Variants in PKD1L3 observed in about 807,000 individuals in gnomAD.
PKD1L3 encodes polycystin 1 like 3, transient receptor potential channel interacting, also known as polycystin-1-like protein 3.
A neutral mutation model predicts 184.1 loss-of-function variants in PKD1L3; 239 were observed. That is an observed-to-expected ratio of 1.30 (90% CI 1.17 to 1.45). The LOEUF is 1.45. PKD1L3 is among the 40% of genes most tolerant of loss of function. PKD1L3 has a pLI of 0.00. For synonymous variants in PKD1L3, 996 were observed against 778.8 expected (o/e 1.28, Z -4.64); for missense variants, 2,660 against 2,067.2 (o/e 1.29, Z -5.56).
chr16:71,947,633 G>A (rs987575150), intron 21 of PKD1L3, 42 bp from the exon 22 acceptor site: 66 of 1,307,890 alleles, frequency 5.0e-5, no homozygotes, highest in Admixed American at 4.2e-4. Flanking sequence ...AGACATTACA[G>A]ACCCAGGAAG....
intron 6 of PKD1L3, among the ~76,000 whole-genome samples, 158 bp from the exon 7 acceptor site, chr16:71,982,393 C>A (rs2040197839): frequency 7.0e-6 from 1 of 142,524 alleles, no homozygotes; most frequent in Non-Finnish European, 1.5e-5. Flanking sequence ...TCAAGCAATT[C>A]TCCTGCCTCA....
At chr16:71,981,883 C>T (rs906312801) in intron 7 of PKD1L3, among the ~76,000 whole-genome samples, 176 bp downstream of exon 7, 1 of 152,108 alleles carries the variant, frequency 6.6e-6, no homozygotes, top group Admixed American at 6.6e-5. Flanking sequence ...GGAGTCTTGG[C>T]TCACTGGTGG....
In PKD1L3 at chr16:71,999,715, T is replaced by A. The variant is rs199655008; in HGVS notation, c.264A>T (p.Pro88=). 320 of 1,549,494 alleles carry A rather than the reference T, an allele frequency of 2.1e-4. No individual in the cohort carries two copies. Among genetic ancestry groups the A allele is most frequent in the Non-Finnish European group, 2.6e-4 (294 of 1,145,730 alleles). ...KKWWIGQNVM[P]LKKHQDNKYP... is the part of the protein sequence containing the mutation. ...ATTTGTTGTCTTGATGCTTTTTCAATGGCATTACATTTTGCCCAATCCACC... is the reference window on the plus strand; with the variant it reads ...ATTTGTTGTCTTGATGCTTTTTCAAAGGCATTACATTTTGCCCAATCCACC... Residue 88 remains proline (P), a synonymous_variant, in exon 1 of 30, where the codon CCA becomes CCT. Transcript: ENST00000620267.
chr16:71,952,547 G>C (rs1235657956), intron 18 of PKD1L3, among the ~76,000 whole-genome samples: 4 of 91,956 alleles, frequency 4.3e-5, no homozygotes, highest in African/African-American at 7.2e-5. Context: ...TGTAAAATTT[G>C]ATACTGGCTG....
At position 72,000,027 on chromosome 16, in the gene PKD1L3, G is replaced by T; in HGVS notation, c.-49C>A. ...AAGTGTGGGGGTTTAGCAGCTGCCT[G>T]GTCCTTTAAATATATATATTGGCGG... On this transcript the variant is annotated 5_prime_UTR_variant, in exon 1 of 30. Coordinates refer to ENST00000620267, the MANE Select transcript of PKD1L3 (RefSeq NM_181536.2). The T allele has an allele frequency of 2.2e-6, 3 of 1,373,552 alleles. No individual in the cohort carries two copies. Among genetic ancestry groups the T allele is most frequent in the Non-Finnish European group, 2.9e-6 (3 of 1,029,970 alleles). The allele number at this position is 1,373,552 out of a possible 1,614,324, so 85.1% of individuals were successfully genotyped here.
intron 25 of PKD1L3, among the ~76,000 whole-genome samples, chr16:71,935,856 C>T (rs1006042362): frequency 2.0e-5 from 3 of 152,320 alleles, no homozygotes; most frequent in East Asian, 1.9e-4. Context: ...GTGGTGCGAT[C>T]ATAGCTCACT....
At chr16:71,970,423 A>C (rs557573221) in intron 12 of PKD1L3, among the ~76,000 whole-genome samples, 1 of 152,212 alleles carries the variant, frequency 6.6e-6, no homozygotes. Flanking sequence ...CAAAAATAGG[A>C]AACAACTTAC....
chr16:71,935,110 T>C (rs2038128400), intron 26 of PKD1L3, among the ~76,000 whole-genome samples: 1 of 152,212 alleles, frequency 6.6e-6, no homozygotes. Context: ...CTTCTGAAAT[T>C]TAAATGCATT....
In PKD1L3 at chr16:71,942,918, G is replaced by C. The variant is rs2038412349; in HGVS notation, c.3966C>G (p.Phe1322Leu). 4 of 1,551,498 alleles carry C rather than the reference G, an allele frequency of 2.6e-6. No individual in the cohort carries two copies. The highest frequency in any genetic ancestry group is 3.5e-6 in the Non-Finnish European group (4 of 1,146,828). ...AATCCTGAAGAAGTTTGATTTCCGA[G>C]AACTGGTGCGAAAATGTCTTCCAGA... ...QAIWKTFSHQ[F>L]SEIKLLQDFY... The change falls in exon 24 of 30, where the codon TTC becomes TTG. Residue 1322 changes from phenylalanine (F) to leucine (L), a missense_variant. By Grantham distance (22) the Phe-to-Leu change is conservative (BLOSUM62 0). Transcript: ENST00000620267.
Position 71,999,883 on chromosome 16 carries a change from A to G in PKD1L3, c.96T>C (p.Asn32=), listed in dbSNP as rs1394343453. Residue 32 remains asparagine (N), a synonymous_variant, in exon 1 of 30, where the codon AAT becomes AAC. Transcript: ENST00000620267. ...ELNSPAPHGQ[N]NCYQLNRFQC... ...GAAATCTGTTAAGCTGGTAACAATT[A>G]TTTTGCCCATGTGGTGCTGGGCTGT... The G allele has an allele frequency of 3.8e-5, 59 of 1,551,632 alleles. No individual in the cohort carries two copies. Among genetic ancestry groups the G allele is most frequent in the Non-Finnish European group, 5.0e-5 (57 of 1,147,008 alleles).
At chr16:71,995,014 T>G (rs1250837112) in intron 2 of PKD1L3, among the ~76,000 whole-genome samples, 1 of 152,112 alleles carries the variant, frequency 6.6e-6, no homozygotes, top group Non-Finnish European at 1.5e-5. Context: ...TTGACTTAAA[T>G]TTGTTTTATA....
chr16:71,948,133 G>A (rs528519648), intron 21 of PKD1L3, among the ~76,000 whole-genome samples: 67 of 152,180 alleles, frequency 4.4e-4, no homozygotes, highest in African/African-American at 1.5e-3. Context: ...CCAGGCTGGA[G>A]TACAACGGCA....
intron 15 of PKD1L3, among the ~76,000 whole-genome samples, 167 bp downstream of exon 15, chr16:71,966,970 A>G (rs572302058): frequency 6.6e-6 from 1 of 152,272 alleles, no homozygotes; most frequent in South Asian, 2.1e-4. Flanking sequence ...AATCTCTCAC[A>G]CTTCTTTCCA....
intron 3 of PKD1L3, 86 bp from the exon 4 acceptor site, chr16:71,990,415 T>C: frequency 1.7e-6 from 2 of 1,148,738 alleles, no homozygotes; most frequent in Non-Finnish European, 2.5e-6. Context: ...TATTCATGGC[T>C]AAAAATAATG....
rs2040915442 is a variant in PKD1L3, at chr16:72,000,024, C to T, written c.-46G>A. 1 of 1,390,762 alleles carries T rather than the reference C, an allele frequency of 7.2e-7. No homozygotes were observed. The highest frequency in any genetic ancestry group is 2.7e-5 in the Admixed American group (1 of 37,070). 86.2% of individuals were successfully genotyped at this position (1,390,762 alleles called of 1,614,324 possible). ...AAAAAGTGTGGGGGTTTAGCAGCTG[C>T]CTGGTCCTTTAAATATATATATTGG... is the stretch of plus-strand genomic sequence containing the variant. On this transcript the variant is annotated 5_prime_UTR_variant, in exon 1 of 30. Coordinates refer to ENST00000620267, the MANE Select transcript of PKD1L3 (RefSeq NM_181536.2).
chr16:71,932,210 C>T (rs1467067644), intron 28 of PKD1L3, among the ~76,000 whole-genome samples: 1 of 152,196 alleles, frequency 6.6e-6, no homozygotes, highest in Non-Finnish European at 1.5e-5. Context: ...TTAGAATGAT[C>T]AACCATGATC....
intron 11 of PKD1L3, among the ~76,000 whole-genome samples, chr16:71,974,221 G>A (rs1278592625): frequency 1.3e-5 from 2 of 152,128 alleles, no homozygotes; most frequent in South Asian, 2.1e-4. Flanking sequence ...ACCGGAGGTC[G>A]GGCCTGGCTC....
intron 24 of PKD1L3, among the ~76,000 whole-genome samples, chr16:71,939,739 G>C (rs1567492092): frequency 1.3e-5 from 2 of 152,150 alleles, no homozygotes; most frequent in African/African-American, 2.4e-5. Flanking sequence ...AAGGATACTT[G>C]TGAGCCAATT....
intron 15 of PKD1L3, among the ~76,000 whole-genome samples, chr16:71,965,286 A>G (rs561505756): frequency 6.6e-6 from 1 of 152,336 alleles, no homozygotes; most frequent in South Asian, 2.1e-4. Context: ...TTATTCATTC[A>G]ATAGACATTT....
Sources: allele counts gnomAD v4.1 joint callset (sites outside exome capture counted in the v4.1 genomes callset), GRCh38; gene constraint gnomAD v4.1.1; transcripts MANE v1.5; gene names NCBI Gene and HGNC (gene_info 2026-07-23, HGNC 2026-07-21).